ATP5MC2: variants seen among roughly 807,000 people sequenced by gnomAD.
ATP5MC2 encodes the protein ATP synthase membrane subunit c locus 2.
Under a neutral mutation model 13.5 loss-of-function variants are expected in ATP5MC2, and 11 were observed. That is an observed-to-expected ratio of 0.81 (90% confidence interval 0.51 to 1.35). The LOEUF is 1.35. Among genes scored for constraint, ATP5MC2 ranks in the 40% most tolerant of loss-of-function variants. The pLI is 0.00. For synonymous variants in ATP5MC2, 64 were observed against 69.7 expected, an observed-to-expected ratio of 0.92 and a Z score of 0.41; for missense variants, 132 against 175.0, an observed-to-expected ratio of 0.75 and a Z score of 1.39.
upstream of ATP5MC2, chr12:53,676,229 C>T (rs1276156283): frequency 6.3e-7 from 1 of 1,597,394 alleles, no homozygotes; most frequent in Non-Finnish European, 8.5e-7. Context: ...CGGTATCCGG[C>T]CGGTTGCTCC....
intron 4 of ATP5MC2, among the ~76,000 whole-genome samples, chr12:53,668,571 C>A (rs1473304983): frequency 6.6e-6 from 1 of 151,862 alleles, no homozygotes; most frequent in Non-Finnish European, 1.5e-5. Flanking sequence ...TCCCAAAGTG[C>A]TGGGATTAGT....
intron 4 of ATP5MC2, among the ~76,000 whole-genome samples, chr12:53,667,738 G>A (rs868291207): frequency 4.6e-5 from 7 of 151,370 alleles, no homozygotes; most frequent in Middle Eastern, 3.4e-3. Context: ...CTCGTGATCC[G>A]CCCGCCTCGG....
At chr12:53,667,111 C>T (rs372096900) in intron 4 of ATP5MC2, among the ~76,000 whole-genome samples, 2 of 152,146 alleles carry the variant, frequency 1.3e-5, no homozygotes, top group African/African-American at 2.4e-5. Context: ...CAACATTTAA[C>T]AGAATAGTGA....
chr12:53,675,826 A>C (rs1472788353), intron 1 of ATP5MC2, among the ~76,000 whole-genome samples: 1 of 152,228 alleles, frequency 6.6e-6, no homozygotes, highest in African/African-American at 2.4e-5. Flanking sequence ...GCCAGCTCCA[A>C]GGTATCCTCC....
rs144937742 is a variant in ATP5MC2, at chr12:53,673,319, A to AAAACAAACAAACAAAC, written c.-31-690_-31-675dup. 574 of 141,756 alleles carry AAAACAAACAAACAAAC rather than the reference A, an allele frequency of 4.0e-3. 3 individuals are homozygous for AAAACAAACAAACAAAC. The highest frequency in any genetic ancestry group is 0.015 in the African/African-American group (554 of 37,574). The allele number at this position is 141,756 out of a possible 1,614,324, so 8.8% of individuals were successfully genotyped here. A position where few individuals can be genotyped will look rare whatever the true frequency, so the allele number is the denominator to read the frequency against. ...GGGTGACAGAGCGAGACCCCATCTC[A>AAAACAAACAAACAAAC]AAACAAACAAACAAACAAACAAACA... On this transcript the variant is annotated intron_variant, in intron 1 of 4. Transcript: ENST00000394349.
upstream of ATP5MC2, chr12:53,676,300 G>A: frequency 2.0e-6 from 3 of 1,508,334 alleles, no homozygotes; most frequent in South Asian, 2.5e-5. Flanking sequence ...GGCCAACTCC[G>A]CGGAGTAAGC....
upstream of ATP5MC2, chr12:53,676,250 C>A: frequency 6.3e-7 from 1 of 1,587,932 alleles, no homozygotes; most frequent in South Asian, 1.1e-5. Flanking sequence ...ACCTGGCGTT[C>A]GAGAGGAGAA....
chr12:53,679,866 G>A (rs912106781), upstream of ATP5MC2, among the ~76,000 whole-genome samples: 3 of 152,242 alleles, frequency 2.0e-5, no homozygotes, highest in Admixed American at 1.3e-4. Context: ...GGAAGGGAAA[G>A]GATCACTGGT....
chr12:53,677,863 C>T (rs1399580990), upstream of ATP5MC2, among the ~76,000 whole-genome samples: 1 of 152,206 alleles, frequency 6.6e-6, no homozygotes. Context: ...CCTGAGGTCT[C>T]CAGACATCTC....
chr12:53,665,859 A>G (rs968095674), intron 4 of ATP5MC2, among the ~76,000 whole-genome samples: 25 of 152,342 alleles, frequency 1.6e-4, no homozygotes, highest in Non-Finnish European at 7.3e-5. Context: ...GGAAATTTTA[A>G]CGGCTTGGTC....
intron 1 of ATP5MC2, among the ~76,000 whole-genome samples, chr12:53,675,581 T>C (rs959454394): frequency 6.6e-6 from 1 of 152,122 alleles, no homozygotes; most frequent in African/African-American, 2.4e-5. Context: ...ACTAGAGGGA[T>C]TGGTGACTTT....
intron 2 of ATP5MC2, chr12:53,670,365 C>T (rs1455987565): frequency 8.7e-6 from 3 of 343,506 alleles, no homozygotes; most frequent in African/African-American, 6.4e-5. Context: ...CCATTTAATA[C>T]TGCTAACCTA....
intron 1 of ATP5MC2, chr12:53,672,847 G>A: frequency 3.6e-6 from 2 of 563,070 alleles, no homozygotes; most frequent in Non-Finnish European, 6.3e-6. Context: ...TTATAATGAA[G>A]TGACTTCCCC....
chr12:53,681,219 TAAGAA>T (rs1181564725), upstream of ATP5MC2, among the ~76,000 whole-genome samples: 1 of 150,354 alleles, frequency 6.7e-6, no homozygotes, highest in Non-Finnish European at 1.5e-5. Flanking sequence ...CGCCCTAATT[TAAGAA>T]AAGAAAAAGA....
At chr12:53,679,499 A>G (rs1945329839), upstream of ATP5MC2, among the ~76,000 whole-genome samples, 1 of 152,238 alleles carries the variant, frequency 6.6e-6, no homozygotes, top group Non-Finnish European at 1.5e-5. Flanking sequence ...TTGAATAACT[A>G]TGCTAGTTAC....
chr12:53,670,337 C>A, intron 2 of ATP5MC2: 2 of 348,988 alleles, frequency 5.7e-6, no homozygotes, highest in Non-Finnish European at 1.1e-5. Context: ...GCCAATAAAT[C>A]CATCATACTT....
chr12:53,679,009 C>G (rs933493624), upstream of ATP5MC2, among the ~76,000 whole-genome samples: 8 of 152,080 alleles, frequency 5.3e-5, no homozygotes, highest in African/African-American at 1.9e-4. Flanking sequence ...CTCAGGGGGG[C>G]CACAGACTCA....
chr12:53,680,872 A>C (rs980155831), upstream of ATP5MC2, among the ~76,000 whole-genome samples: 4 of 152,208 alleles, frequency 2.6e-5, no homozygotes, highest in African/African-American at 9.6e-5. Flanking sequence ...ACTATGAAGC[A>C]TAGTAATAAA....
At chr12:53,672,885 C>G in intron 1 of ATP5MC2, 1 of 456,660 alleles carries the variant, frequency 2.2e-6, no homozygotes, top group South Asian at 2.7e-5. Context: ...CACTTGGGTT[C>G]AGGTAAGACC....
Sources: gnomAD v4.1 joint callset for allele counts (sites outside exome capture counted in the v4.1 genomes callset) on GRCh38, gnomAD v4.1.1 for gene constraint, MANE v1.5 for transcripts, NCBI Gene and HGNC (gene_info 2026-07-23, HGNC 2026-07-21) for gene names.